DDX25: variants seen among roughly 807,000 people sequenced by gnomAD.
The protein encoded by DDX25 is ATP-dependent RNA helicase DDX25.
In DDX25, 70 loss-of-function variants were observed where a neutral mutation model predicts 64.6. That is an observed-to-expected ratio of 1.08 (90% CI 0.89 to 1.32). DDX25 has a LOEUF of 1.32. DDX25 is among the 40% of genes most tolerant of loss of function. The pLI, the probability that DDX25 is intolerant of heterozygous loss-of-function variation, is 0.00. For synonymous variants in DDX25, 211 were observed against 213.3 expected (o/e 0.99, Z 0.09); for missense variants, 587 against 604.4 (o/e 0.97, Z 0.30).
chr11:125,916,442 G>A (rs745530649), intron 8 of DDX25, among the ~76,000 whole-genome samples: 20 of 152,222 alleles, frequency 1.3e-4, no homozygotes, highest in Admixed American at 6.5e-5. Context: ...TGCTAACTCC[G>A]CAGATTTATT....
At chr11:125,912,990 T>C (rs1944985356) in intron 8 of DDX25, among the ~76,000 whole-genome samples, 1 of 151,932 alleles carries the variant, frequency 6.6e-6, no homozygotes, top group Non-Finnish European at 1.5e-5. Context: ...ACCCCATCTC[T>C]ACTAAAAATA....
At chr11:125,920,110 C>T (rs1428062090) in intron 10 of DDX25, among the ~76,000 whole-genome samples, 1 of 152,142 alleles carries the variant, frequency 6.6e-6, no homozygotes, top group Non-Finnish European at 1.5e-5. Flanking sequence ...AGGGGAAGTG[C>T]AGAAGTCTTC....
chr11:125,911,006 T>C (rs1027746548), intron 7 of DDX25, among the ~76,000 whole-genome samples: 1 of 152,168 alleles, frequency 6.6e-6, no homozygotes, highest in Non-Finnish European at 1.5e-5. Flanking sequence ...AAGGACTTTT[T>C]TTCATACTGT....
At chr11:125,905,898 G>T (rs1429870422) in intron 3 of DDX25, among the ~76,000 whole-genome samples, 176 bp from the exon 4 acceptor site, 1 of 152,202 alleles carries the variant, frequency 6.6e-6, no homozygotes, top group Non-Finnish European at 1.5e-5. Context: ...GTAAGAAACT[G>T]AATCCTCATA....
At chr11:125,914,521 A>G (rs915435918) in intron 8 of DDX25, among the ~76,000 whole-genome samples, 2 of 152,320 alleles carry the variant, frequency 1.3e-5, no homozygotes, top group African/African-American at 2.4e-5. Flanking sequence ...CAGAATAAAC[A>G]TCTAATCTTC....
chr11:125,927,703 C>G lies in DDX25; in HGVS notation c.*4822C>G, dbSNP rs1029761909. ...ATATTCGGAGGTAACATGTATAGGT[C>G]ATGTATAATGGCCTCAGGCATGATT... On this transcript the variant is annotated 3_prime_UTR_variant, in exon 12 of 12. Transcript: ENST00000263576. The G allele has an allele frequency of 2.0e-5, 3 of 152,134 alleles. No homozygotes were observed. Among genetic ancestry groups the G allele is most frequent in the African/African-American group, 7.2e-5 (3 of 41,398 alleles). 9.4% of individuals were successfully genotyped at this position (152,134 alleles called of 1,614,324 possible).
upstream of DDX25, among the ~76,000 whole-genome samples, chr11:125,903,763 G>GC (rs1390019786): frequency 1.4e-5 from 2 of 141,524 alleles, no homozygotes; most frequent in African/African-American, 5.1e-5. Context: ...GGGCGGGGGG[G>GC]AGGTGGAATT....
chr11:125,904,299 CCCT>C, upstream of DDX25: 2 of 373,040 alleles, frequency 5.4e-6, no homozygotes, highest in Non-Finnish European at 9.5e-6. Flanking sequence ...CCGCTCTCTG[CCCT>C]CCGCCCCGCT....
intron 8 of DDX25, among the ~76,000 whole-genome samples, chr11:125,915,102 C>T (rs61918837): frequency 0.045 from 6,824 of 152,120 alleles, 213 homozygotes; most frequent in East Asian, 0.14. Flanking sequence ...AGCCACCATG[C>T]GTGGCCCCAA....
Position 125,908,303 on chromosome 11 carries a change from T to C in DDX25, c.404+15T>C. 1 of 1,613,488 alleles carries C rather than the reference T, an allele frequency of 6.2e-7. No individual in the cohort carries two copies. Among genetic ancestry groups the C allele is most frequent in the Non-Finnish European group, 8.5e-7 (1 of 1,179,676 alleles). On this transcript the variant is annotated intron_variant, in intron 5 of 11. Coordinates refer to ENST00000263576, the MANE Select transcript of DDX25 (RefSeq NM_013264.5). Reference sequence around the variant, plus strand: ...CTGGCACATCCGTGAGTTTCCAGGGTAGTGGTATTCTACTTGGTTATGTTT... The same window carrying C: ...CTGGCACATCCGTGAGTTTCCAGGGCAGTGGTATTCTACTTGGTTATGTTT...
intron 10 of DDX25, among the ~76,000 whole-genome samples, chr11:125,919,553 C>CTTT (rs376752578): frequency 4.6e-4 from 58 of 126,962 alleles, no homozygotes; most frequent in African/African-American, 1.1e-3. Context: ...GAAAAAAATC[C>CTTT]TTTTTTTTTT....
At chr11:125,908,587 T>C (rs2134275469) in intron 6 of DDX25, 84 bp downstream of exon 6, 1 of 1,207,732 alleles carries the variant, frequency 8.3e-7, no homozygotes, top group East Asian at 2.3e-5. Flanking sequence ...TGCAATGATA[T>C]GGTTACTATG....
Position 125,921,559 on chromosome 11 carries a change from TA to T in DDX25, c.1390+181del. 1.6e-6 allele frequency: 1 copy of T among 644,620 alleles called. No homozygotes were observed. Among genetic ancestry groups the T allele is most frequent in the South Asian group, 2.7e-5 (1 of 37,178 alleles). The allele number at this position is 644,620 out of a possible 1,614,324, so 39.9% of individuals were successfully genotyped here. On this transcript the variant is annotated intron_variant, in intron 11 of 11. Transcript: ENST00000263576. The surrounding 1 kb of genome is among the most constrained non-coding windows in gnomAD (Gnocchi z 4.1). ...ATGAGACAGATGATTAAATAATGCT[TA>T]TATGGTAATTAAAAATTATTTTGAT...
At chr11:125,915,356 A>T (rs1591519213) in intron 8 of DDX25, among the ~76,000 whole-genome samples, 1 of 152,242 alleles carries the variant, frequency 6.6e-6, no homozygotes, top group South Asian at 2.1e-4. Context: ...ATGTTATTTA[A>T]CCCATTGTAT....
chr11:125,922,405 GAGTGTA>G (rs1945126819), intron 11 of DDX25: 1 of 166,202 alleles, frequency 6.0e-6, no homozygotes, highest in South Asian at 2.0e-4. Flanking sequence ...TTGGCAGACT[GAGTGTA>G]GCACATCCAC....
At chr11:125,910,568 C>G in intron 7 of DDX25, 90 bp downstream of exon 7, 1 of 1,091,808 alleles carries the variant, frequency 9.2e-7, no homozygotes, top group Non-Finnish European at 1.4e-6. Flanking sequence ...GCATTCTCAT[C>G]TCTAAATGGG....
At chr11:125,919,969 T>C (rs575455154) in intron 10 of DDX25, among the ~76,000 whole-genome samples, 2 of 152,330 alleles carry the variant, frequency 1.3e-5, no homozygotes, top group East Asian at 3.9e-4. Context: ...ACATTTATCA[T>C]ATTGGACAGC....
chr11:125,906,189 GA>G lies in DDX25; in HGVS notation c.292del (p.Thr98HisfsTer7). On this transcript the variant is annotated frameshift_variant, in exon 4 of 12. Coordinates refer to ENST00000263576, the MANE Select transcript of DDX25 (RefSeq NM_013264.5). LOFTEE classifies it high-confidence loss of function. ...DPSSPLYSVK[T>X]FEELRLKEEL... ...CCAGCTCTCCACTTTACTCAGTAAA[GA>G]CATTTGAAGAGCTGCGGCTGTGAGT... 1 of 1,539,390 alleles carries G rather than the reference GA, an allele frequency of 6.5e-7. No individual in the cohort carries two copies. Among genetic ancestry groups the G allele is most frequent in the East Asian group, 2.5e-5 (1 of 40,728 alleles).
chr11:125,904,798 G>A (rs1465380427), intron 1 of DDX25: 3 of 603,932 alleles, frequency 5.0e-6, no homozygotes, highest in Admixed American at 6.3e-5. Context: ...GGGCAAAAAT[G>A]ACGACCCCTG....
Sources: gnomAD v4.1 joint callset for allele counts (sites outside exome capture counted in the v4.1 genomes callset) on GRCh38, gnomAD v4.1.1 for gene constraint, Gnocchi (gnomAD v3.1) non-coding constraint, MANE v1.5 for transcripts, NCBI Gene and HGNC (gene_info 2026-07-23, HGNC 2026-07-21) for gene names.